ZNF106: variants seen among roughly 807,000 people sequenced by gnomAD.
ZNF106 encodes the protein SH3-domain binding protein 3.
A neutral mutation model predicts 195.1 loss-of-function variants in ZNF106; 67 were observed. The observed-to-expected ratio is 0.34, with a 90% confidence interval of 0.28 to 0.42. The LOEUF (loss-of-function observed/expected upper bound fraction) is 0.42. Among genes scored for constraint, ZNF106 ranks in the 10% least tolerant of loss-of-function variants. The pLI is 1.00. For missense variants in ZNF106, 2,118 were observed against 2,304.5 expected (o/e 0.92, Z 1.66); for synonymous variants, 784 against 818.6 (o/e 0.96, Z 0.72).
At position 42,451,382 on chromosome 15, in the gene ZNF106, C is replaced by T; in HGVS notation, c.890G>A (p.Ser297Asn). The T allele has an allele frequency of 6.2e-7, 1 of 1,614,154 alleles. No individual in the cohort carries two copies. Among genetic ancestry groups the T allele is most frequent in the Non-Finnish European group, 8.5e-7 (1 of 1,180,032 alleles). The change falls in exon 5 of 22, where the codon AGT (serine) becomes AAT (asparagine). Residue 297 changes from serine to asparagine, a missense_variant. Coordinates refer to ENST00000564754, the MANE Select transcript of ZNF106 (RefSeq NM_001366845.3). The part of the protein sequence containing the change: ...NKKSNKSNKY[S>N]HDRYNWQRQE... ...CCGCTGCCAATTATATCTGTCGTGA[C>T]TGTATTTGTTTGACTTATTAGATTT...
At position 42,442,342 on chromosome 15, in the gene ZNF106, G is replaced by A. The variant is rs772344748; in HGVS notation, c.3494C>T (p.Ser1165Phe). The change falls in exon 10 of 22, where the codon TCT becomes TTT. Residue 1165 changes from serine to phenylalanine, a missense_variant. Physicochemically the swap from Ser to Phe is radical, Grantham distance 155. Coordinates refer to ENST00000564754, the MANE Select transcript of ZNF106 (RefSeq NM_001366845.3). Reference protein sequence around the residue: ...SLTRERRNSRSQTSIDAALLP... With the variant: ...SLTRERRNSRFQTSIDAALLP... ...CAGTGCGGCATCAATGGATGTTTGAGATCTACTGTTCCTTCGTTCTCGTGT... is the reference window on the plus strand; with the variant it reads ...CAGTGCGGCATCAATGGATGTTTGAAATCTACTGTTCCTTCGTTCTCGTGT... 2 of 1,614,088 alleles carry A rather than the reference G, an allele frequency of 1.2e-6. No homozygotes were observed. Among genetic ancestry groups the A allele is most frequent in the Admixed American group, 3.3e-5 (2 of 59,998 alleles).
rs748428230 is a variant in ZNF106, at chr15:42,457,069, T to C, written c.206A>G (p.Asp69Gly). 1.2e-6 allele frequency: 2 copies of C among 1,612,776 alleles called. No homozygotes were observed. Among genetic ancestry groups the C allele is most frequent in the East Asian group, 4.5e-5 (2 of 44,844 alleles). Residue 69 changes from aspartate (D) to glycine (G), a missense_variant, in exon 4 of 22, where the codon GAT (aspartate) becomes GGT (glycine). Coordinates refer to ENST00000564754, the MANE Select transcript of ZNF106 (RefSeq NM_001366845.3). ...TTCTCTTTCCTGGGCATCAACGTTA[T>C]CTTTGTGCAACTGGCCAGAAATGTG... Reference protein sequence around the residue: ...AKHISGQLHKDNVDAQEREDD... With the variant: ...AKHISGQLHKGNVDAQEREDD...
Position 42,450,061 on chromosome 15 carries a change from A to T in ZNF106, c.2211T>A (p.Pro737=). The change falls in exon 5 of 22, where the codon CCT becomes CCA. Residue 737 remains proline (P), a synonymous_variant. Transcript: ENST00000564754. The part of the protein sequence containing the change: ...QKSDISQPSG[P]LLPELSKLGF... ...CAAGCTTACTTAGTTCAGGCAGGAG[A>T]GGGCCCGAGGGCTGACTGATGTCAC... 1 of 1,614,184 alleles carries T rather than the reference A, an allele frequency of 6.2e-7. No homozygotes were observed. Among genetic ancestry groups the T allele is most frequent in the Non-Finnish European group, 8.5e-7 (1 of 1,180,028 alleles).
intron 17 of ZNF106, among the ~76,000 whole-genome samples, chr15:42,422,838 T>C (rs944447102): frequency 6.6e-6 from 1 of 151,788 alleles, no homozygotes; most frequent in African/African-American, 2.4e-5. Context: ...AATATATGGA[T>C]TGTATCCTGA....
At chr15:42,485,868 T>A (rs946196886) in intron 1 of ZNF106, among the ~76,000 whole-genome samples, 1 of 152,220 alleles carries the variant, frequency 6.6e-6, no homozygotes, top group Non-Finnish European at 1.5e-5. Flanking sequence ...TTTGGAAATA[T>A]TTATTCCTTG....
At chr15:42,443,063 TCAC>T (rs1166706560) in intron 9 of ZNF106, among the ~76,000 whole-genome samples, 1 of 152,096 alleles carries the variant, frequency 6.6e-6, no homozygotes, top group African/African-American at 2.4e-5. Context: ...AGACAGGGTT[TCAC>T]CACATTGCCC....
In ZNF106 at chr15:42,414,172, C is replaced by T. The variant is rs1267052033; in HGVS notation, c.*3132G>A. Reference sequence around the variant, plus strand: ...TCACAAAGCCACTAAATGCCAGAGTCAACACAGATCCCTGAGCCATAGCTC... The same window carrying T: ...TCACAAAGCCACTAAATGCCAGAGTTAACACAGATCCCTGAGCCATAGCTC... On this transcript the variant is annotated 3_prime_UTR_variant, in exon 22 of 22. Transcript: ENST00000564754. The T allele has an allele frequency of 6.6e-6, 1 of 152,152 alleles. No homozygotes were observed. Among genetic ancestry groups the T allele is most frequent in the African/African-American group, 2.4e-5 (1 of 41,418 alleles). 9.4% of individuals were successfully genotyped at this position (152,152 alleles called of 1,614,324 possible).
intron 3 of ZNF106, among the ~76,000 whole-genome samples, chr15:42,460,219 T>C (rs2141387546): frequency 6.6e-6 from 1 of 152,236 alleles, no homozygotes; most frequent in African/African-American, 2.4e-5. Context: ...TAAAATAAAA[T>C]CCATGATTTT....
At chr15:42,446,920 A>G (rs2055796200) in intron 6 of ZNF106, among the ~76,000 whole-genome samples, 1 of 152,220 alleles carries the variant, frequency 6.6e-6, no homozygotes, top group Non-Finnish European at 1.5e-5. Flanking sequence ...CAGGGAAAGC[A>G]TTTCATCTTG....
chr15:42,476,164 T>C (rs1356411137), intron 1 of ZNF106, among the ~76,000 whole-genome samples: 4 of 152,322 alleles, frequency 2.6e-5, no homozygotes, highest in Non-Finnish European at 5.9e-5. Context: ...AATCAAAATA[T>C]AACTGCCAGC....
At chr15:42,454,390 A>T in intron 4 of ZNF106, among the ~76,000 whole-genome samples, 1 of 152,098 alleles carries the variant, frequency 6.6e-6, no homozygotes, top group Non-Finnish European at 1.5e-5. Context: ...ATCCAAGGAG[A>T]CCACTGACTC....
intron 1 of ZNF106, among the ~76,000 whole-genome samples, chr15:42,487,854 C>T (rs2057050885): frequency 6.6e-6 from 1 of 152,140 alleles, no homozygotes; most frequent in South Asian, 2.1e-4. Flanking sequence ...TTTGACTATC[C>T]TCCACAGAGG....
In ZNF106 at chr15:42,442,231, G is replaced by C. The variant is rs933811933; in HGVS notation, c.3605C>G (p.Thr1202Ser). 6.2e-7 allele frequency: 1 copy of C among 1,614,170 alleles called. No homozygotes were observed. The highest frequency in any genetic ancestry group is 8.5e-7 in the Non-Finnish European group (1 of 1,180,036). ...PSPTGASLQI[T>S]TSPTFQTHGS... ...ATGGGTTTGGAAAGTAGGAGACGTG[G>C]TTATTTGAAGAGAGGCTCCGGTGGG... The change falls in exon 10 of 22, where the codon ACC becomes AGC. Residue 1202 changes from threonine to serine, a missense_variant. Physicochemically the swap from Thr to Ser is moderately conservative, Grantham distance 58. Transcript: ENST00000564754.
chr15:42,438,860 A>G (rs2055385708), intron 11 of ZNF106, among the ~76,000 whole-genome samples, 173 bp downstream of exon 11: 1 of 152,240 alleles, frequency 6.6e-6, no homozygotes, highest in Admixed American at 6.5e-5. Flanking sequence ...CACAGTCAAA[A>G]GAGAAAGCAG....
At chr15:42,428,909 G>A (rs916955187) in intron 14 of ZNF106, among the ~76,000 whole-genome samples, 5 of 151,564 alleles carry the variant, frequency 3.3e-5, no homozygotes, top group African/African-American at 7.3e-5. Context: ...GACCACAGGC[G>A]CCCGCCACCA....
intron 8 of ZNF106, 98 bp from the exon 9 acceptor site, chr15:42,444,360 T>A: frequency 1.1e-6 from 1 of 896,664 alleles, no homozygotes; most frequent in Non-Finnish European, 1.8e-6. Flanking sequence ...AAAATCAGAG[T>A]GTCTTGACTG....
intron 18 of ZNF106, 123 bp from the exon 19 acceptor site, chr15:42,422,111 G>C: frequency 1.5e-6 from 1 of 685,710 alleles, no homozygotes; most frequent in East Asian, 2.8e-5. Flanking sequence ...AGCACCAGTA[G>C]CATTCTAACA....
chr15:42,419,024 G>A (rs1200777891), intron 20 of ZNF106, among the ~76,000 whole-genome samples: 3 of 145,446 alleles, frequency 2.1e-5, no homozygotes, highest in Non-Finnish European at 4.5e-5. Flanking sequence ...CCAGGAGCTC[G>A]AGACCAGCCT....
rs1195243939 is a variant in ZNF106, at chr15:42,439,414, T to C, written c.4163A>G (p.His1388Arg). 2 of 1,614,182 alleles carry C rather than the reference T, an allele frequency of 1.2e-6. No individual in the cohort carries two copies. The highest frequency in any genetic ancestry group is 8.5e-7 in the Non-Finnish European group (1 of 1,180,034). The change falls in exon 11 of 22, where the codon CAT (histidine) becomes CGT (arginine). Residue 1388 changes from histidine (H) to arginine (R), a missense_variant. By Grantham distance (29) the His-to-Arg change is conservative. Coordinates refer to ENST00000564754, the MANE Select transcript of ZNF106 (RefSeq NM_001366845.3). ...TTCAGTGTCACTATTCTCAGGAACA[T>C]GGGCAGCCCGTAGACTTTTCTTCTT... ...LRKKKSLRAA[H>R]VPENSDTEQD...
Sources: gnomAD v4.1 joint callset for allele counts (sites outside exome capture counted in the v4.1 genomes callset) on GRCh38, gnomAD v4.1.1 for gene constraint, MANE v1.5 for transcripts, NCBI Gene and HGNC (gene_info 2026-07-23, HGNC 2026-07-21) for gene names.